Variants in SEZ6L observed in about 807,000 individuals in gnomAD.
SEZ6L encodes seizure related 6 homolog like, also known as seizure 6-like protein.
SEZ6L carries 37 observed loss-of-function variants against 106.2 expected under a neutral mutation model. The ratio of observed to expected loss-of-function variants is 0.35; its 90% CI spans 0.27 to 0.46. The LOEUF is 0.46. SEZ6L is among the 20% of genes least tolerant of loss of function. The pLI is 1.00. For synonymous variants in SEZ6L, 541 were observed against 570.4 expected (o/e 0.95, Z 0.73); for missense variants, 1,172 against 1,332.8 (o/e 0.88, Z 1.88).
chr22:26,376,204 T>C (rs1301002206), intron 15 of SEZ6L, among the ~76,000 whole-genome samples: 1 of 98,986 alleles, frequency 1.0e-5, no homozygotes, highest in Non-Finnish European at 2.1e-5. Flanking sequence ...ACATCATTTG[T>C]GGAAAAAAAA....
At chr22:26,206,034 A>C (rs527544593) in intron 1 of SEZ6L, among the ~76,000 whole-genome samples, 1 of 152,288 alleles carries the variant, frequency 6.6e-6, no homozygotes, top group African/African-American at 2.4e-5. Flanking sequence ...CACTCTCAGC[A>C]TCCAATAACT....
rs549020425 is a variant in SEZ6L at position 26,246,598 on chromosome 22, G to A, written c.95-45808G>A. Among the ~76,000 whole-genome samples, 34 of 152,002 alleles carry A rather than the reference G, an allele frequency of 2.2e-4. No individual in the cohort carries two copies. The South Asian group carries it at 4.2e-3, about 19-fold the overall frequency. ...AAAAAAAAAAGGTATTTCCAAGTAC[G>A]AAAGTACAAAGTTTCAAACCCACTC... On this transcript the variant is annotated intron_variant, in intron 1 of 16. Transcript: ENST00000248933.
chr22:26,363,744 G>A (rs1267036998), intron 12 of SEZ6L, among the ~76,000 whole-genome samples: 1 of 152,218 alleles, frequency 6.6e-6, no homozygotes, highest in Non-Finnish European at 1.5e-5. Context: ...GTTCAGAGTA[G>A]CCAAAAGGGG....
At chr22:26,344,751 A>C (rs1301103013) in intron 10 of SEZ6L, among the ~76,000 whole-genome samples, 1 of 152,212 alleles carries the variant, frequency 6.6e-6, no homozygotes, top group Non-Finnish European at 1.5e-5. Context: ...AACTCATCTT[A>C]GTGTTCACAC....
At chr22:26,193,278 C>T (rs147745497) in intron 1 of SEZ6L, among the ~76,000 whole-genome samples, 1 of 152,284 alleles carries the variant, frequency 6.6e-6, no homozygotes, top group Non-Finnish European at 1.5e-5. Flanking sequence ...TCGTGTGAGA[C>T]AAATATGGCT....
rs1348936391 is a variant in SEZ6L, at chr22:26,236,097, G to T, written c.95-56309G>T. On this transcript the variant is annotated intron_variant, in intron 1 of 16. Coordinates refer to ENST00000248933, the MANE Select transcript of SEZ6L (RefSeq NM_021115.5). ...ATCTCAGGCTGCTGTGCCCACAAAA[G>T]CCTCCTTCCCGTCCACCAGTTTCCC... Among the ~76,000 whole-genome samples the T allele has an allele frequency of 8.5e-5, 13 of 152,326 alleles. No homozygotes were observed. In the South Asian group the frequency reaches 1.7e-3, roughly 19 times the overall value.
chr22:26,337,279 G>GC (rs2082675771), intron 9 of SEZ6L, among the ~76,000 whole-genome samples: 1 of 152,162 alleles, frequency 6.6e-6, no homozygotes, highest in African/African-American at 2.4e-5. Flanking sequence ...ACAAAGAGTT[G>GC]CCGTATGGTT....
intron 1 of SEZ6L, among the ~76,000 whole-genome samples, chr22:26,254,451 A>T (rs1448478130): frequency 6.6e-6 from 1 of 152,036 alleles, no homozygotes; most frequent in African/African-American, 2.4e-5. Flanking sequence ...GAAAAATGTC[A>T]AACAAAATGA....
chr22:26,326,639 C>T (rs564014872), intron 9 of SEZ6L, among the ~76,000 whole-genome samples: 1 of 152,296 alleles, frequency 6.6e-6, no homozygotes, highest in South Asian at 2.1e-4. Flanking sequence ...AGCCTCACAC[C>T]CCTCATCACC....
chr22:26,218,690 A>G (rs1210405708), intron 1 of SEZ6L, among the ~76,000 whole-genome samples: 1 of 152,030 alleles, frequency 6.6e-6, no homozygotes, highest in African/African-American at 2.4e-5. Context: ...TAAACCCAGC[A>G]CTTTGGGAGG....
chr22:26,361,343 C>CAAA (rs150251826), intron 12 of SEZ6L, among the ~76,000 whole-genome samples: 223 of 133,382 alleles, frequency 1.7e-3, no homozygotes, highest in African/African-American at 5.4e-3. Context: ...ACTAAAAATA[C>CAAA]AAAAACAAAA....
intron 10 of SEZ6L, 83 bp from the exon 11 acceptor site, chr22:26,347,636 G>A (rs951673073): frequency 2.4e-5 from 28 of 1,173,796 alleles, no homozygotes; most frequent in African/African-American, 4.9e-5. Flanking sequence ...TTTTCTCTTC[G>A]CTCATCCCTC....
intron 11 of SEZ6L, among the ~76,000 whole-genome samples, chr22:26,350,083 T>C (rs369475761): frequency 2.0e-5 from 3 of 152,066 alleles, no homozygotes; most frequent in African/African-American, 4.8e-5. Flanking sequence ...ATTTGCAATG[T>C]TTCCTTTTTA....
intron 1 of SEZ6L, among the ~76,000 whole-genome samples, chr22:26,245,015 G>A (rs1053062951): frequency 6.6e-6 from 1 of 152,194 alleles, no homozygotes; most frequent in Non-Finnish European, 1.5e-5. Flanking sequence ...TGGGCAGCAC[G>A]CAAGGATGGG....
intron 9 of SEZ6L, among the ~76,000 whole-genome samples, chr22:26,327,278 ACAC>A (rs2082336936): frequency 7.1e-6 from 1 of 140,444 alleles, no homozygotes; most frequent in Non-Finnish European, 1.6e-5. Flanking sequence ...CCACACACAC[ACAC>A]CACCCCACAC....
intron 1 of SEZ6L, among the ~76,000 whole-genome samples, chr22:26,264,314 G>A (rs1308170541): frequency 6.6e-6 from 1 of 152,182 alleles, no homozygotes; most frequent in Admixed American, 6.5e-5. Context: ...ACATGGATCA[G>A]GAAAAGCTTC....
intron 12 of SEZ6L, among the ~76,000 whole-genome samples, chr22:26,360,458 G>C (rs1436186204): frequency 6.6e-6 from 1 of 152,186 alleles, no homozygotes; most frequent in Admixed American, 6.5e-5. Flanking sequence ...TATGCCCGGC[G>C]CATACAATGC....
chr22:26,214,585 G>T (rs939538870), intron 1 of SEZ6L, among the ~76,000 whole-genome samples: 1 of 152,226 alleles, frequency 6.6e-6, no homozygotes, highest in Non-Finnish European at 1.5e-5. Context: ...ATGCTGGTCG[G>T]ATCTCCTGCG....
intron 4 of SEZ6L, 88 bp from the exon 5 acceptor site, chr22:26,298,896 C>T (rs776525716): frequency 3.7e-4 from 493 of 1,327,080 alleles, no homozygotes; most frequent in Non-Finnish European, 4.7e-4. Context: ...CTTCTCTCCC[C>T]AGCACAAACT....
Sources: allele counts gnomAD v4.1 joint callset (sites outside exome capture counted in the v4.1 genomes callset), GRCh38; gene constraint gnomAD v4.1.1; transcripts MANE v1.5; gene names NCBI Gene and HGNC (gene_info 2026-07-23, HGNC 2026-07-21).